ATE1: variants seen among roughly 807,000 people sequenced by gnomAD.
The protein encoded by ATE1 is arginyl-tRNA--protein transferase 1.
In ATE1, 36 loss-of-function variants were observed where a neutral mutation model predicts 70.5. The ratio of observed to expected loss-of-function variants is 0.51; its 90% confidence interval spans 0.39 to 0.67. The LOEUF (loss-of-function observed/expected upper bound fraction) is 0.67. Ranked by LOEUF, ATE1 falls within the 30% of genes least tolerant of loss-of-function variation. The pLI is 0.00. For missense variants in ATE1, 593 were observed against 629.5 expected (o/e 0.94, Z 0.62); for synonymous variants, 232 against 219.3 (o/e 1.06, Z -0.51).
intron 11 of ATE1, among the ~76,000 whole-genome samples, chr10:121,786,221 T>G (rs1946203466): frequency 2.1e-5 from 3 of 145,562 alleles, no homozygotes; most frequent in South Asian, 2.2e-4. Flanking sequence ...TTTTTTTTTT[T>G]TTTTTTTTTT....
chr10:121,924,814 A>T (rs915195304), intron 1 of ATE1, among the ~76,000 whole-genome samples: 3 of 151,972 alleles, frequency 2.0e-5, no homozygotes, highest in African/African-American at 7.2e-5. Context: ...ACACAGCACA[A>T]ATAAAGAATG....
intron 11 of ATE1, among the ~76,000 whole-genome samples, chr10:121,789,720 G>A (rs186292616): frequency 3.9e-5 from 6 of 152,178 alleles, no homozygotes; most frequent in African/African-American, 9.6e-5. Flanking sequence ...CAAGTAGAAA[G>A]TAAAAAAAGT....
At chr10:121,841,968 A>G (rs1371314733) in intron 8 of ATE1, among the ~76,000 whole-genome samples, 1 of 152,220 alleles carries the variant, frequency 6.6e-6, no homozygotes, top group Admixed American at 6.5e-5. Context: ...AAAGGTTAGG[A>G]AAGAAATGCA....
At chr10:121,840,055 C>A (rs1335793560) in intron 9 of ATE1, among the ~76,000 whole-genome samples, 1 of 152,106 alleles carries the variant, frequency 6.6e-6, no homozygotes, top group African/African-American at 2.4e-5. Context: ...TAGTTCCCAA[C>A]CCTCCTTCCC....
intron 5 of ATE1, among the ~76,000 whole-genome samples, chr10:121,903,118 T>TTGGACAGATTGGTCTCAAACTCCC (rs1564947044): frequency 7.6e-6 from 1 of 132,188 alleles, no homozygotes; most frequent in Non-Finnish European, 1.7e-5. Flanking sequence ...CTCAAACTCC[T>TTGGACAGATTGGTCTCAAACTCCC]GACCTCGTGA....
chr10:121,749,529 C>T (rs889691898), intron 11 of ATE1, among the ~76,000 whole-genome samples: 4 of 148,012 alleles, frequency 2.7e-5, no homozygotes, highest in African/African-American at 1.1e-4. Flanking sequence ...AGGAAAGATA[C>T]ACTATCCATT....
chr10:121,820,356 T>C (rs1356582425), intron 10 of ATE1, among the ~76,000 whole-genome samples: 2 of 152,196 alleles, frequency 1.3e-5, no homozygotes, highest in Non-Finnish European at 1.5e-5. Context: ...GATTGTATTA[T>C]AGAAAAATTG....
intron 7 of ATE1, chr10:121,899,108 C>CG: frequency 1.1e-6 from 1 of 915,766 alleles, no homozygotes; most frequent in Non-Finnish European, 1.6e-6. Flanking sequence ...AAACCTTAGA[C>CG]GAGGCAGACG....
intron 7 of ATE1, among the ~76,000 whole-genome samples, chr10:121,895,117 T>C (rs11200230): frequency 0.13 from 20,069 of 152,074 alleles, 1,526 homozygotes; most frequent in East Asian, 0.19. Flanking sequence ...AGCAGAGCCC[T>C]CATACACTTC....
Position 121,771,694 on chromosome 10 carries a change from G to T in ATE1, c.1378+18475C>A, listed in dbSNP as rs550034459. ...TTTATGCAAACAAATTAGAGGAAAT[G>T]TAACTCTTAGGTCCTTTTTAAAAAA... On this transcript the variant is annotated intron_variant, in intron 11 of 11. Transcript: ENST00000224652. 1.1e-4 allele frequency among the ~76,000 whole-genome samples: 17 copies of T among 152,294 alleles called. 1 individual carries two copies. Among genetic ancestry groups the T allele is most frequent in the African/African-American group, 3.6e-4 (15 of 41,554 alleles).
rs1945223483 is a variant in ATE1 at position 121,765,146 on chromosome 10, C to G, written c.1379-21288G>C. ...CTGGCAGGACACTGCTTACTGTGTT[C>G]TCTCTGGCTCACTTCCTGCTGGAAA... On this transcript the variant is annotated intron_variant, in intron 11 of 11. Transcript: ENST00000224652. 1.3e-5 allele frequency among the ~76,000 whole-genome samples: 2 copies of G among 152,208 alleles called. 1 individual carries two copies. Among genetic ancestry groups the G allele is most frequent in the South Asian group, 4.1e-4 (2 of 4,830 alleles).
chr10:121,811,865 T>C (rs1417797287), intron 10 of ATE1, among the ~76,000 whole-genome samples: 3 of 151,908 alleles, frequency 2.0e-5, no homozygotes, highest in Admixed American at 1.3e-4. Flanking sequence ...CTAGGGGCAA[T>C]GTAACTACGT....
chr10:121,894,819 C>G (rs4752621), intron 7 of ATE1, among the ~76,000 whole-genome samples: 1 of 151,516 alleles, frequency 6.6e-6, no homozygotes, highest in African/African-American at 2.4e-5. Context: ...GAGAATGGCC[C>G]GAACCCGAGA....
chr10:121,869,004 G>A (rs1949759245), intron 8 of ATE1, among the ~76,000 whole-genome samples: 1 of 152,150 alleles, frequency 6.6e-6, no homozygotes, highest in South Asian at 2.1e-4. Context: ...GAAGAAGTTG[G>A]GAAAGCATAA....
intron 11 of ATE1, among the ~76,000 whole-genome samples, chr10:121,747,516 G>T (rs940133701): frequency 6.6e-6 from 1 of 152,136 alleles, no homozygotes; most frequent in African/African-American, 2.4e-5. Context: ...AAGTTGTCAG[G>T]GTTCTGGGTA....
intron 11 of ATE1, among the ~76,000 whole-genome samples, chr10:121,759,263 C>G (rs1426971719): frequency 6.6e-6 from 1 of 152,160 alleles, no homozygotes; most frequent in Non-Finnish European, 1.5e-5. Context: ...GATAGAAGAT[C>G]AAACCAGCCA....
chr10:121,919,573 TA>T (rs1164241608), intron 3 of ATE1, among the ~76,000 whole-genome samples: 1 of 149,102 alleles, frequency 6.7e-6, no homozygotes. Context: ...AAAAAGCTCC[TA>T]ATCAAGTATC....
chr10:121,740,756 TTC>T lies in ATE1; in HGVS notation c.*2922_*2923del, dbSNP rs2135613184. On this transcript the variant is annotated 3_prime_UTR_variant, in exon 12 of 12. Transcript: ENST00000224652. ...TGGAAAGGTTCTTTTACATAATAGA[TTC>T]TGACACGTTAAGAAACTACACACAA... is the stretch of plus-strand genomic sequence containing the variant. 6.6e-6 allele frequency: 1 copy of T among 152,302 alleles called. No homozygotes were observed. Among genetic ancestry groups the T allele is most frequent in the East Asian group, 1.9e-4 (1 of 5,194 alleles). 9.4% of individuals were successfully genotyped at this position (152,302 alleles called of 1,614,324 possible).
intron 10 of ATE1, among the ~76,000 whole-genome samples, chr10:121,808,099 C>T (rs1947172922): frequency 6.6e-6 from 1 of 152,210 alleles, no homozygotes; most frequent in South Asian, 2.1e-4. Flanking sequence ...GGGATCTACA[C>T]ATCTGTAAAC....
Sources: allele counts gnomAD v4.1 joint callset (sites outside exome capture counted in the v4.1 genomes callset), GRCh38; gene constraint gnomAD v4.1.1; transcripts MANE v1.5; gene names NCBI Gene and HGNC (gene_info 2026-07-23, HGNC 2026-07-21).